The following CA5A variants were observed in gnomAD, a reference collection of about 807,000 sequenced individuals.
CA5A encodes the protein carbonic anhydrase 5A, mitochondrial.
In CA5A, 28 loss-of-function variants were observed where a neutral mutation model predicts 37.1. That is an observed-to-expected ratio of 0.75 (90% CI 0.56 to 1.03). CA5A has a LOEUF of 1.03. CA5A is among the 50% of genes least tolerant of loss of function. CA5A has a pLI of 0.00. For synonymous variants in CA5A, 171 were observed against 158.4 expected (o/e 1.08, Z -0.60); for missense variants, 444 against 399.9 (o/e 1.11, Z -0.94).
At chr16:87,912,796 T>C (rs1296580879) in intron 2 of CA5A, among the ~76,000 whole-genome samples, 4 of 152,132 alleles carry the variant, frequency 2.6e-5, no homozygotes, top group Non-Finnish European at 5.9e-5. Flanking sequence ...GTGAAGATAA[T>C]GGCGGCTCCA....
chr16:87,931,620 C>T (rs753332963), intron 1 of CA5A, among the ~76,000 whole-genome samples: 15 of 152,216 alleles, frequency 9.9e-5, no homozygotes, highest in South Asian at 6.2e-4. Context: ...CTCGCTGGCG[C>T]TGGGGAAGGC....
chr16:87,908,737 A>T (rs2056002429), intron 2 of CA5A, among the ~76,000 whole-genome samples: 1 of 152,220 alleles, frequency 6.6e-6, no homozygotes, highest in Non-Finnish European at 1.5e-5. Flanking sequence ...GGTTTCCAGC[A>T]GGGCTGGAGC....
intron 5 of CA5A, among the ~76,000 whole-genome samples, chr16:87,895,397 T>A (rs1334659036): frequency 1.3e-5 from 2 of 151,916 alleles, no homozygotes; most frequent in Admixed American, 6.6e-5. Flanking sequence ...AATACAAAAT[T>A]AGCCAGGCGT....
intron 1 of CA5A, among the ~76,000 whole-genome samples, chr16:87,935,876 A>G (rs1469424752): frequency 1.3e-5 from 2 of 151,686 alleles, no homozygotes; most frequent in South Asian, 2.1e-4. Flanking sequence ...ACTTCATCAA[A>G]AAAAGAAAAA....
At chr16:87,917,923 C>T (rs951785164) in intron 2 of CA5A, among the ~76,000 whole-genome samples, 6 of 152,220 alleles carry the variant, frequency 3.9e-5, no homozygotes, top group Admixed American at 2.6e-4. Context: ...AGGATATAAG[C>T]GTGATGCTCA....
chr16:87,893,146 C>CTTTTTT, intron 5 of CA5A: 1 of 386,242 alleles, frequency 2.6e-6, no homozygotes. Context: ...TTCTTTCTTT[C>CTTTTTT]TTTTTTTTTT....
intron 2 of CA5A, among the ~76,000 whole-genome samples, chr16:87,907,349 A>T (rs1567523546): frequency 6.6e-6 from 1 of 152,280 alleles, no homozygotes; most frequent in East Asian, 1.9e-4. Context: ...TGTGGGGGAA[A>T]GGGGGTTTGC....
At chr16:87,902,126 G>T (rs1304624750) in intron 4 of CA5A, 152 bp from the exon 5 acceptor site, 2 of 718,846 alleles carry the variant, frequency 2.8e-6, no homozygotes, top group African/African-American at 1.8e-5. Context: ...GGCCGAGGTG[G>T]GCGGATCATC....
chr16:87,930,185 C>T (rs555063434), intron 1 of CA5A, among the ~76,000 whole-genome samples: 8 of 152,262 alleles, frequency 5.3e-5, no homozygotes, highest in Admixed American at 3.9e-4. Context: ...TTTTCTGGCC[C>T]GTGCATTCCC....
At chr16:87,912,439 G>T (rs1483782416) in intron 2 of CA5A, among the ~76,000 whole-genome samples, 8 of 152,238 alleles carry the variant, frequency 5.3e-5, no homozygotes, top group African/African-American at 1.9e-4. Context: ...TAAAGACGTC[G>T]AAAGATAAAT....
intron 2 of CA5A, 53 bp downstream of exon 2, chr16:87,926,695 G>T: frequency 7.0e-7 from 1 of 1,434,570 alleles, no homozygotes; most frequent in Non-Finnish European, 9.7e-7. Flanking sequence ...TCTTGACCCT[G>T]CTGCCAGAAC....
chr16:87,894,127 T>A (rs2055766812), intron 5 of CA5A, among the ~76,000 whole-genome samples: 1 of 152,046 alleles, frequency 6.6e-6, no homozygotes, highest in South Asian at 2.1e-4. Context: ...TTATAACTTT[T>A]TATTTTTTTT....
chr16:87,917,459 G>A (rs2056162582), intron 2 of CA5A, among the ~76,000 whole-genome samples: 1 of 152,232 alleles, frequency 6.6e-6, no homozygotes, highest in Non-Finnish European at 1.5e-5. Flanking sequence ...TTGAGGACCA[G>A]AAAGCAGAGA....
At chr16:87,934,081 C>T (rs2056440675) in intron 1 of CA5A, among the ~76,000 whole-genome samples, 1 of 152,330 alleles carries the variant, frequency 6.6e-6, no homozygotes. Flanking sequence ...TAAATAGACA[C>T]AGGGCACCCA....
chr16:87,891,673 T>G (rs11859898), intron 6 of CA5A, 126 bp downstream of exon 6: 183,536 of 849,518 alleles, frequency 0.22, 20,797 homozygotes, highest in South Asian at 0.28. Flanking sequence ...TGTGTAAGAA[T>G]GCCCCAAATG....
chr16:87,907,552 C>T (rs574941924), intron 2 of CA5A, among the ~76,000 whole-genome samples: 1 of 152,312 alleles, frequency 6.6e-6, no homozygotes, highest in African/African-American at 2.4e-5. Flanking sequence ...GCTTCATGGA[C>T]AAATTAGACT....
intron 2 of CA5A, chr16:87,923,678 A>C (rs1006831960): frequency 1.0e-6 from 1 of 985,318 alleles, no homozygotes; most frequent in African/African-American, 1.7e-5. Flanking sequence ...TGCCTTGGGA[A>C]TTTATTTTGT....
At chr16:87,903,763 T>C (rs1190489290) in intron 3 of CA5A, among the ~76,000 whole-genome samples, 1 of 152,166 alleles carries the variant, frequency 6.6e-6, no homozygotes, top group Admixed American at 6.6e-5. Context: ...GTCCTCAGCT[T>C]GAAAAAGCAT....
intron 2 of CA5A, among the ~76,000 whole-genome samples, chr16:87,916,779 G>C (rs557554190): frequency 6.6e-6 from 1 of 152,230 alleles, no homozygotes; most frequent in East Asian, 1.9e-4. Context: ...CGGTGCACCT[G>C]GGAAGCGTCT....
Sources: allele counts gnomAD v4.1 joint callset (sites outside exome capture counted in the v4.1 genomes callset), GRCh38; gene constraint gnomAD v4.1.1; transcripts MANE v1.5; gene names NCBI Gene and HGNC (gene_info 2026-07-23, HGNC 2026-07-21).